TATDN1: variants seen among roughly 807,000 people sequenced by gnomAD.
TATDN1 encodes deoxyribonuclease TATDN1.
Under a neutral mutation model 46.4 loss-of-function variants are expected in TATDN1, and 40 were observed. That is an observed-to-expected ratio of 0.86 (90% confidence interval 0.67 to 1.12). The LOEUF (loss-of-function observed/expected upper bound fraction) is 1.12, where lower values mean the gene tolerates loss of function less well. Among genes scored for constraint, TATDN1 ranks in the 50% most tolerant of loss-of-function variants. TATDN1 has a pLI of 0.00. For missense variants in TATDN1, 326 were observed against 348.4 expected (o/e 0.94, Z 0.51); for synonymous variants, 95 against 105.6 (o/e 0.90, Z 0.62).
chr8:124,501,416 T>C (rs778368718), intron 9 of TATDN1, among the ~76,000 whole-genome samples: 2 of 152,124 alleles, frequency 1.3e-5, no homozygotes, highest in Non-Finnish European at 2.9e-5. Flanking sequence ...AATGGCTTTT[T>C]TTTTTCTTTT....
chr8:124,521,329 T>C (rs1820026454), intron 3 of TATDN1, among the ~76,000 whole-genome samples: 1 of 152,142 alleles, frequency 6.6e-6, no homozygotes, highest in Non-Finnish European at 1.5e-5. Flanking sequence ...TGTGTGTGTG[T>C]GAATAAACAT....
intron 4 of TATDN1, among the ~76,000 whole-genome samples, chr8:124,517,499 A>C (rs1819589769): frequency 6.6e-6 from 1 of 152,198 alleles, no homozygotes; most frequent in African/African-American, 2.4e-5. Context: ...GATTTCCATA[A>C]AAATATAGCT....
chr8:124,506,956 G>A (rs1420759922), intron 8 of TATDN1, among the ~76,000 whole-genome samples: 1 of 152,088 alleles, frequency 6.6e-6, no homozygotes, highest in East Asian at 1.9e-4. Context: ...GAGGTCAAGA[G>A]ATCGAGACCA....
intron 11 of TATDN1, among the ~76,000 whole-genome samples, chr8:124,493,053 G>A (rs1817161023): frequency 1.3e-5 from 2 of 151,998 alleles, no homozygotes; most frequent in African/African-American, 4.8e-5. Flanking sequence ...GTTCTTATCT[G>A]GCTTATCTTC....
intron 1 of TATDN1, among the ~76,000 whole-genome samples, chr8:124,525,877 G>A (rs1034655176): frequency 6.6e-6 from 1 of 152,158 alleles, no homozygotes; most frequent in Non-Finnish European, 1.5e-5. Context: ...TGTTCAAAAT[G>A]TTCTTATCTA....
In TATDN1 at chr8:124,537,334, T is replaced by C. The variant is rs568559567; in HGVS notation, c.22+1691A>G. Among the ~76,000 whole-genome samples, 9 of 152,246 alleles carry C rather than the reference T, an allele frequency of 5.9e-5. No homozygotes were observed. The South Asian group carries it at 8.3e-4, about 14-fold the overall frequency. On this transcript the variant is annotated intron_variant, in intron 1 of 11. Coordinates refer to ENST00000276692, the MANE Select transcript of TATDN1 (RefSeq NM_032026.4). ...AGTAGGCAGACAGGCAACAGGGTAG[T>C]TGGTAGGCAGAGGAATATTTTGGCC... is the stretch of plus-strand genomic sequence containing the variant.
intron 1 of TATDN1, chr8:124,538,354 A>G (rs1221662789): frequency 6.5e-6 from 1 of 153,256 alleles, no homozygotes; most frequent in Non-Finnish European, 1.5e-5. Context: ...AGGTGTGATC[A>G]CTGTCATTTC....
At chr8:124,504,206 C>A in intron 9 of TATDN1, 65 bp downstream of exon 9, 2 of 1,207,414 alleles carry the variant, frequency 1.7e-6, no homozygotes, top group Non-Finnish European at 2.4e-6. Context: ...CAGCAATTCA[C>A]TGTAAGACAA....
chr8:124,502,613 G>A (rs180703056), intron 9 of TATDN1, among the ~76,000 whole-genome samples: 1 of 152,146 alleles, frequency 6.6e-6, no homozygotes, highest in Middle Eastern at 3.2e-3. Flanking sequence ...AGGAATACAT[G>A]GGATCTAAAA....
intron 6 of TATDN1, among the ~76,000 whole-genome samples, chr8:124,513,039 C>A (rs1289931584): frequency 6.6e-6 from 1 of 151,994 alleles, no homozygotes; most frequent in African/African-American, 2.4e-5. Flanking sequence ...CTCAGCCTCC[C>A]AAGTAGCTGG....
At chr8:124,515,147 G>A (rs1229261392) in intron 6 of TATDN1, among the ~76,000 whole-genome samples, 4 of 152,160 alleles carry the variant, frequency 2.6e-5, no homozygotes, top group Non-Finnish European at 4.4e-5. Flanking sequence ...TTGGGAGGCC[G>A]AGGCGGGTGG....
chr8:124,533,825 C>T (rs554891633), intron 1 of TATDN1, among the ~76,000 whole-genome samples: 27 of 152,028 alleles, frequency 1.8e-4, no homozygotes, highest in African/African-American at 6.3e-4. Context: ...ACCAGCACAG[C>T]TGCTTTGGTA....
chr8:124,512,767 C>T (rs1819133415), intron 6 of TATDN1, among the ~76,000 whole-genome samples: 2 of 152,058 alleles, frequency 1.3e-5, no homozygotes, highest in African/African-American at 4.8e-5. Flanking sequence ...CATTTCTGTA[C>T]AACATGGTAA....
At chr8:124,525,855 A>G (rs1204223889) in intron 1 of TATDN1, among the ~76,000 whole-genome samples, 1 of 152,176 alleles carries the variant, frequency 6.6e-6, no homozygotes, top group African/African-American at 2.4e-5. Flanking sequence ...TCAAAATCCT[A>G]TTTATTTAAT....
At chr8:124,497,285 CTTCTTT>C (rs908159359) in intron 9 of TATDN1, among the ~76,000 whole-genome samples, 4 of 147,024 alleles carry the variant, frequency 2.7e-5, no homozygotes, top group Admixed American at 1.3e-4. Context: ...CTTCTTTCTT[CTTCTTT>C]TTTTTTTTTT....
At chr8:124,503,184 G>T (rs1033019609) in intron 9 of TATDN1, among the ~76,000 whole-genome samples, 13 of 152,186 alleles carry the variant, frequency 8.5e-5, no homozygotes, top group Admixed American at 2.6e-4. Flanking sequence ...GTGATATGCA[G>T]AGAATGGAGG....
rs765094956 is a variant in TATDN1 at position 124,494,002 on chromosome 8, T to A, written c.665-43A>T. The A allele has an allele frequency of 4.1e-4, 630 of 1,534,886 alleles. 1 individual carries two copies. The highest frequency in any genetic ancestry group is 5.2e-4 in the Non-Finnish European group (600 of 1,147,056). On this transcript the variant is annotated intron_variant, in intron 10 of 11. Coordinates refer to ENST00000276692, the MANE Select transcript of TATDN1 (RefSeq NM_032026.4). ...GTGTCTCGTAAGGGGTTTACATTTTTAAAAATTTTTTATGACCATTATCTA... is the reference window on the plus strand; with the variant it reads ...GTGTCTCGTAAGGGGTTTACATTTTAAAAAATTTTTTATGACCATTATCTA...
Position 124,508,665 on chromosome 8 carries a change from A to C in TATDN1, c.413T>G (p.Leu138Arg). 1.3e-6 allele frequency: 2 copies of C among 1,577,640 alleles called. No individual in the cohort carries two copies. Among genetic ancestry groups the C allele is most frequent in the Middle Eastern group, 2.0e-4 (1 of 5,100 alleles). Residue 138 changes from leucine to arginine, a missense_variant, in exon 7 of 12, where the codon CTG (leucine) becomes CGG (arginine). Transcript: ENST00000276692. ...QLKYFEKQFE[L>R]SEQTKLPMFL... ...CATTGGTAATTTTGTTTGTTCTGAC[A>C]GTTCAAACTGTTTTTCAAAATATCT...
intron 6 of TATDN1, 79 bp downstream of exon 6, chr8:124,515,667 A>C: frequency 1.4e-6 from 2 of 1,393,186 alleles, no homozygotes; most frequent in Non-Finnish European, 2.0e-6. Flanking sequence ...TAATCCAACT[A>C]TACTCTCACC....
Sources: gnomAD v4.1 joint callset for allele counts (sites outside exome capture counted in the v4.1 genomes callset) on GRCh38, gnomAD v4.1.1 for gene constraint, MANE v1.5 for transcripts, NCBI Gene and HGNC (gene_info 2026-07-23, HGNC 2026-07-21) for gene names.